BFSP2: variants seen among roughly 807,000 people sequenced by gnomAD.
BFSP2 encodes the protein phakinin.
In BFSP2, 38 loss-of-function variants were observed where a neutral mutation model predicts 44.9. That is an observed-to-expected ratio of 0.85 (90% CI 0.65 to 1.11). The LOEUF (loss-of-function observed/expected upper bound fraction) is 1.11. Ranked by LOEUF, BFSP2 falls within the 50% of genes least tolerant of loss-of-function variation. The pLI is 0.00. For missense variants in BFSP2, 525 were observed against 533.0 expected, an observed-to-expected ratio of 0.99 and a Z score of 0.15; for synonymous variants, 197 against 209.9, an observed-to-expected ratio of 0.94 and a Z score of 0.53.
chr3:133,448,660 G>A lies in BFSP2; in HGVS notation c.729+15G>A, dbSNP rs1158581225. Reference sequence around the variant, plus strand: ...ACTATGAAGAGGTAGGAGGGGGCTGGGGTTGCTGGGTTGGCCACAAGACCA... The same window carrying A: ...ACTATGAAGAGGTAGGAGGGGGCTGAGGTTGCTGGGTTGGCCACAAGACCA... On this transcript the variant is annotated intron_variant, in intron 3 of 6. Transcript: ENST00000302334. 16 of 1,612,594 alleles carry A rather than the reference G, an allele frequency of 9.9e-6. No homozygotes were observed. The highest frequency in any genetic ancestry group is 1.4e-5 in the Non-Finnish European group (16 of 1,179,718).
chr3:133,449,024 T>C (rs560070754), intron 3 of BFSP2: 2 of 237,342 alleles, frequency 8.4e-6, no homozygotes, highest in East Asian at 1.0e-4. Flanking sequence ...CAAGCTGTGG[T>C]TGACATCTAC....
chr3:133,469,158 C>G (rs948243028), intron 5 of BFSP2, among the ~76,000 whole-genome samples: 2 of 152,212 alleles, frequency 1.3e-5, no homozygotes, highest in Non-Finnish European at 2.9e-5. Context: ...TGTCTATGCC[C>G]ATAGCCCAGA....
intron 4 of BFSP2, chr3:133,455,525 C>G (rs1361983259): frequency 1.3e-5 from 2 of 152,226 alleles, no homozygotes; most frequent in African/African-American, 4.8e-5. Flanking sequence ...GTCAGGCCCA[C>G]TCAGATACTC....
At position 133,472,372 on chromosome 3, in the gene BFSP2, G is replaced by T; in HGVS notation, c.1051G>T (p.Asp351Tyr). 1 of 1,613,576 alleles carries T rather than the reference G, an allele frequency of 6.2e-7. No individual in the cohort carries two copies. The highest frequency in any genetic ancestry group is 8.5e-7 in the Non-Finnish European group (1 of 1,179,996). ...ACGAGGCCTGGAGAACACCTTGCAC[G>T]ATGCCAAGCACTGGCATGACATGGA... ...LKRGLENTLH[D>Y]AKHWHDMELQ... Residue 351 changes from aspartate (D) to tyrosine (Y), a missense_variant, in exon 6 of 7, where the codon GAT (aspartate) becomes TAT (tyrosine). Coordinates refer to ENST00000302334, the MANE Select transcript of BFSP2 (RefSeq NM_003571.4).
chr3:133,404,015 A>G (rs952451979), intron 1 of BFSP2, among the ~76,000 whole-genome samples: 1 of 151,988 alleles, frequency 6.6e-6, no homozygotes, highest in Non-Finnish European at 1.5e-5. Context: ...CCTCATCCTT[A>G]TATCACTATG....
At position 133,466,885 on chromosome 3, in the gene BFSP2, C is replaced by A; in HGVS notation, c.949C>A (p.Leu317Ile). ...QTQEEKLAAA[L>I]RVELHNTSCQ... ...CCAGGAGGAGAAGCTGGCAGCTGCC[C>A]TCAGGGTGGAGTTACACAACACTTC... The change falls in exon 5 of 7, where the codon CTC becomes ATC. Residue 317 changes from leucine to isoleucine, a missense_variant. Transcript: ENST00000302334. 1.2e-6 allele frequency: 2 copies of A among 1,613,956 alleles called. No individual in the cohort carries two copies. The highest frequency in any genetic ancestry group is 1.1e-5 in the South Asian group (1 of 91,070).
chr3:133,464,034 C>A (rs2074087948), intron 4 of BFSP2, among the ~76,000 whole-genome samples: 1 of 152,220 alleles, frequency 6.6e-6, no homozygotes, highest in African/African-American at 2.4e-5. Flanking sequence ...CTGCTCCCCG[C>A]CACCCTCTGT....
intron 4 of BFSP2, among the ~76,000 whole-genome samples, chr3:133,460,730 TTCCCAC>T (rs1362976344): frequency 3.9e-5 from 6 of 152,182 alleles, no homozygotes; most frequent in Non-Finnish European, 7.3e-5. Context: ...AACCCCTGTA[TTCCCAC>T]GGGACCATTG....
intron 1 of BFSP2, among the ~76,000 whole-genome samples, chr3:133,411,261 G>A (rs1472982750): frequency 6.7e-6 from 1 of 150,214 alleles, no homozygotes; most frequent in African/African-American, 2.4e-5. Flanking sequence ...GGTAAATAAT[G>A]AGAGAAAATA....
At chr3:133,462,031 G>T (rs2107936518) in intron 4 of BFSP2, among the ~76,000 whole-genome samples, 1 of 148,472 alleles carries the variant, frequency 6.7e-6, no homozygotes, top group Admixed American at 6.8e-5. Context: ...ATTGGTTTCT[G>T]CAGCGATCTA....
intron 1 of BFSP2, among the ~76,000 whole-genome samples, chr3:133,434,084 A>G (rs1264645756): frequency 6.6e-6 from 1 of 152,162 alleles, no homozygotes; most frequent in Non-Finnish European, 1.5e-5. Context: ...ATCACAGCTG[A>G]TATCTCTTGG....
At chr3:133,465,708 G>T (rs1479179) in intron 4 of BFSP2, among the ~76,000 whole-genome samples, 133,730 of 152,238 alleles carry the variant, frequency 0.88, 58,918 homozygotes, top group East Asian at 0.91. Context: ...GATAACTCCT[G>T]GTTTGAGGGC....
chr3:133,447,193 T>C lies in BFSP2; in HGVS notation c.490-124T>C, dbSNP rs909889765. On this transcript the variant is annotated intron_variant, in intron 1 of 6. Transcript: ENST00000302334. ...GAGAGGGACATCTTAATTCCACAAATATTTGCTGTAAGAAAGGTTCTCTGA... is the reference window on the plus strand; with the variant it reads ...GAGAGGGACATCTTAATTCCACAAACATTTGCTGTAAGAAAGGTTCTCTGA... 4.5e-6 allele frequency: 4 copies of C among 895,508 alleles called. No individual in the cohort carries two copies. The African/African-American group carries it at 6.6e-5, about 15-fold the overall frequency. 55.5% of individuals were successfully genotyped at this position (895,508 alleles called of 1,614,324 possible).
intron 1 of BFSP2, among the ~76,000 whole-genome samples, chr3:133,411,166 G>A (rs2073448570): frequency 7.9e-6 from 1 of 126,436 alleles, no homozygotes; most frequent in African/African-American, 3.1e-5. Context: ...CATCAAATAT[G>A]TCAGTATAAC....
intron 4 of BFSP2, among the ~76,000 whole-genome samples, chr3:133,453,129 G>A (rs1231121291): frequency 6.6e-6 from 1 of 152,196 alleles, no homozygotes; most frequent in East Asian, 1.9e-4. Flanking sequence ...TGCAGAATGA[G>A]TGAATTCCTC....
Position 133,472,420 on chromosome 3 carries a change from G to T in BFSP2, c.1099G>T (p.Val367Phe), listed in dbSNP as rs1049010205. Residue 367 changes from valine (V) to phenylalanine (F), a missense_variant, in exon 6 of 7, where the codon GTC becomes TTC. Val to Phe is a conservative substitution (Grantham distance 50, BLOSUM62 -1). Coordinates refer to ENST00000302334, the MANE Select transcript of BFSP2 (RefSeq NM_003571.4). ...GGAGCTCCAGAACCTGGGCGCTGTG[G>T]TCGGCCGGCTGGAGGCGGAGCTCAG... ...DMELQNLGAV[V>F]GRLEAELREI... 6.2e-7 allele frequency: 1 copy of T among 1,614,176 alleles called. No homozygotes were observed.
At chr3:133,460,201 G>A (rs1313212439) in intron 4 of BFSP2, among the ~76,000 whole-genome samples, 1 of 152,172 alleles carries the variant, frequency 6.6e-6, no homozygotes, top group Non-Finnish European at 1.5e-5. Context: ...CGACAGGTAC[G>A]TTCTCATTTA....
At position 133,427,364 on chromosome 3, in the gene BFSP2, ACCT is replaced by A. The variant is rs1380535481; in HGVS notation, c.490-19949_490-19947del. ...TAGAATAAGCAGAACAGGTGTCATT[ACCT>A]CCTTTTTACAGGTAAAGAAACTGAA... On this transcript the variant is annotated intron_variant, in intron 1 of 6. Coordinates refer to ENST00000302334, the MANE Select transcript of BFSP2 (RefSeq NM_003571.4). Among the ~76,000 whole-genome samples, 6 of 152,158 alleles carry A rather than the reference ACCT, an allele frequency of 3.9e-5. No individual in the cohort carries two copies. The South Asian group carries it at 1.0e-3, about 26-fold the overall frequency.
chr3:133,471,437 C>T (rs1487519532), intron 5 of BFSP2, among the ~76,000 whole-genome samples: 1 of 152,202 alleles, frequency 6.6e-6, no homozygotes, highest in African/African-American at 2.4e-5. Context: ...TGGTTTCCAG[C>T]TCACATGGGT....
Sources: allele counts gnomAD v4.1 joint callset (sites outside exome capture counted in the v4.1 genomes callset), GRCh38; gene constraint gnomAD v4.1.1; transcripts MANE v1.5; gene names NCBI Gene and HGNC (gene_info 2026-07-23, HGNC 2026-07-21).